POC1B: variants seen among roughly 807,000 people sequenced by gnomAD.
POC1B encodes the protein POC1 centriolar protein B, also known as POC1 centriolar protein homolog B.
A neutral mutation model predicts 60.6 loss-of-function variants in POC1B; 44 were observed. The observed-to-expected ratio is 0.73, with a 90% CI of 0.57 to 0.93. The LOEUF (loss-of-function observed/expected upper bound fraction) is 0.93, where lower values mean the gene tolerates loss of function less well. Among genes scored for constraint, POC1B ranks in the 40% least tolerant of loss-of-function variants. POC1B has a pLI of 0.00. For synonymous variants in POC1B, 180 were observed against 198.9 expected, an observed-to-expected ratio of 0.90 and a Z score of 0.80; for missense variants, 555 against 572.3, an observed-to-expected ratio of 0.97 and a Z score of 0.31.
chr12:89,471,019 T>C (rs776127123), intron 6 of POC1B, among the ~76,000 whole-genome samples: 1 of 152,210 alleles, frequency 6.6e-6, no homozygotes, highest in Non-Finnish European at 1.5e-5. Context: ...GTTCTATTGA[T>C]TCTTTGAGCA....
rs768323759 is a variant in POC1B at position 89,497,255 on chromosome 12, A to T, written c.188T>A (p.Val63Glu). Reference sequence around the variant, plus strand: ...ATGTGGAGAAAACTGCACGCTGGTTACAACATCCTTGTGACCCACATATCT... The same window carrying T: ...ATGTGGAGAAAACTGCACGCTGGTTTCAACATCCTTGTGACCCACATATCT... ...AYRYVGHKDVVTSVQFSPHGN... is the reference protein window; with the variant it reads ...AYRYVGHKDVETSVQFSPHGN... Residue 63 changes from valine (V) to glutamate (E), a missense_variant, in exon 3 of 12, where the codon GTA (valine) becomes GAA (glutamate). Physicochemically the swap from Val to Glu is moderately radical, Grantham distance 121 (BLOSUM62 -2). Transcript: ENST00000313546. 21 of 1,613,686 alleles carry T rather than the reference A, an allele frequency of 1.3e-5. No homozygotes were observed. The highest frequency in any genetic ancestry group is 1.8e-5 in the Non-Finnish European group (21 of 1,180,012).
intron 2 of POC1B, among the ~76,000 whole-genome samples, chr12:89,506,348 C>T (rs971037699): frequency 1.3e-5 from 2 of 152,152 alleles, no homozygotes; most frequent in African/African-American, 4.8e-5. Context: ...ATGCCTGCCA[C>T]ATGAAAAATA....
At chr12:89,523,306 A>C in intron 2 of POC1B, 1 of 1,614,094 alleles carries the variant, frequency 6.2e-7, no homozygotes, top group Non-Finnish European at 8.5e-7. Flanking sequence ...CCGCTCTCGT[A>C]GTAATTTTCT....
At chr12:89,431,044 T>C (rs1482001024) in intron 10 of POC1B, among the ~76,000 whole-genome samples, 2 of 152,014 alleles carry the variant, frequency 1.3e-5, no homozygotes, top group African/African-American at 4.8e-5. Flanking sequence ...TAGATTTTTA[T>C]CCCCTAAAGG....
At chr12:89,424,744 G>A (rs1468600383) in intron 11 of POC1B, among the ~76,000 whole-genome samples, 2 of 152,118 alleles carry the variant, frequency 1.3e-5, no homozygotes, top group Admixed American at 1.3e-4. Flanking sequence ...ATTCTAACAT[G>A]GGAATGCAAA....
the POC1B span, among the ~76,000 whole-genome samples, chr12:89,410,748 A>G: frequency 6.6e-6 from 1 of 152,140 alleles, no homozygotes; most frequent in Admixed American, 6.5e-5. Flanking sequence ...CCTATTCAAC[A>G]TAGTATTGGA....
Position 89,501,046 on chromosome 12 carries a change from G to C in POC1B, c.101-3704C>G, listed in dbSNP as rs528918604. ...AAGTCAGATCAAAGTTTTGCCAGTA[G>C]ATCTTGGGATTACTATACCAAGAAA... On this transcript the variant is annotated intron_variant, in intron 2 of 11. Coordinates refer to ENST00000313546, the MANE Select transcript of POC1B (RefSeq NM_172240.3). The C allele has an allele frequency of 1.2e-4, 131 of 1,064,954 alleles. 2 individuals carry two copies. The East Asian group carries it at 3.0e-3, about 25-fold the overall frequency. The allele number at this position is 1,064,954 out of a possible 1,614,324, so 66.0% of individuals were successfully genotyped here.
At chr12:89,519,299 C>T (rs1870650424) in intron 2 of POC1B, 1 of 152,104 alleles carries the variant, frequency 6.6e-6, no homozygotes. Flanking sequence ...TTTAAATATC[C>T]ACTGTCTGAA....
At chr12:89,474,181 G>T (rs1008385042) in intron 4 of POC1B, among the ~76,000 whole-genome samples, 1 of 151,808 alleles carries the variant, frequency 6.6e-6, no homozygotes, top group Non-Finnish European at 1.5e-5. Context: ...ACTCTAGCCT[G>T]GGTTACAGAG....
intron 9 of POC1B, among the ~76,000 whole-genome samples, chr12:89,462,654 T>TA (rs1178612709): frequency 6.6e-6 from 1 of 152,196 alleles, no homozygotes; most frequent in East Asian, 1.9e-4. Context: ...GGATAAAATG[T>TA]AATTTTGTTT....
chr12:89,478,614 T>C (rs1176902131), intron 4 of POC1B, among the ~76,000 whole-genome samples: 1 of 152,172 alleles, frequency 6.6e-6, no homozygotes, highest in African/African-American at 2.4e-5. Context: ...TAATATTATA[T>C]ATAGCCAATG....
intron 9 of POC1B, chr12:89,461,408 T>G (rs1256153577): frequency 6.6e-6 from 1 of 152,204 alleles, no homozygotes; most frequent in Non-Finnish European, 1.5e-5. Flanking sequence ...AAGAAGATTG[T>G]CAAGGGTCAA....
chr12:89,512,456 T>C (rs1243075202), intron 2 of POC1B, among the ~76,000 whole-genome samples: 2 of 152,198 alleles, frequency 1.3e-5, no homozygotes, highest in Non-Finnish European at 2.9e-5. Flanking sequence ...CTAGTATTTT[T>C]CAATACTGCG....
At chr12:89,429,587 C>A (rs1319703397) in intron 10 of POC1B, 1 of 152,180 alleles carries the variant, frequency 6.6e-6, no homozygotes, top group East Asian at 1.9e-4. Flanking sequence ...ACTTACTGAG[C>A]ATCTATCTAT....
At chr12:89,519,040 G>A (rs1870630323) in intron 2 of POC1B, among the ~76,000 whole-genome samples, 1 of 152,092 alleles carries the variant, frequency 6.6e-6, no homozygotes, top group Non-Finnish European at 1.5e-5. Context: ...TTTCATTTAT[G>A]GACCGGGGAA....
In POC1B at chr12:89,505,720, T is replaced by C. The variant is rs562397835; in HGVS notation, c.101-8378A>G. 2.6e-5 allele frequency among the ~76,000 whole-genome samples: 4 copies of C among 152,342 alleles called. No homozygotes were observed. In the South Asian group the frequency reaches 6.2e-4, roughly 24 times the overall value. On this transcript the variant is annotated intron_variant, in intron 2 of 11. Transcript: ENST00000313546. The stretch of plus-strand genomic sequence containing the variant: ...TATGATTTGTGCAATTTTTGGAACA[T>C]ATCAATGCTTCAATAAAACATTTAG...
chr12:89,447,757 A>G (rs1227197313), intron 10 of POC1B, among the ~76,000 whole-genome samples: 1 of 152,116 alleles, frequency 6.6e-6, no homozygotes, highest in African/African-American at 2.4e-5. Flanking sequence ...AGAATGGACC[A>G]AGTATGGCAC....
intron 4 of POC1B, among the ~76,000 whole-genome samples, chr12:89,476,083 T>C (rs1185453319): frequency 2.0e-5 from 3 of 151,952 alleles, no homozygotes; most frequent in African/African-American, 4.8e-5. Context: ...AGTTTTGTAA[T>C]TTTTGTAGAG....
intron 4 of POC1B, among the ~76,000 whole-genome samples, chr12:89,478,496 T>A (rs1883202978): frequency 6.6e-6 from 1 of 152,142 alleles, no homozygotes; most frequent in Admixed American, 6.5e-5. Context: ...AACTCACATC[T>A]GTCTCACTCA....
Sources: allele counts gnomAD v4.1 joint callset (sites outside exome capture counted in the v4.1 genomes callset), GRCh38; gene constraint gnomAD v4.1.1; transcripts MANE v1.5; gene names NCBI Gene and HGNC (gene_info 2026-07-23, HGNC 2026-07-21).